Variants in TCEA1 observed in about 807,000 individuals in gnomAD.
TCEA1 encodes transcription elongation factor A1, also known as transcription elongation factor A protein 1.
TCEA1 carries 21 observed loss-of-function variants against 43.8 expected under a neutral mutation model. That is an observed-to-expected ratio of 0.48 (90% confidence interval 0.34 to 0.69). The LOEUF (loss-of-function observed/expected upper bound fraction) is 0.69, where lower values mean the gene tolerates loss of function less well. TCEA1 is among the 30% of genes least tolerant of loss of function. The pLI is 0.01. For missense variants in TCEA1, 250 were observed against 365.1 expected, an observed-to-expected ratio of 0.68 and a Z score of 2.57; for synonymous variants, 104 against 117.5, an observed-to-expected ratio of 0.88 and a Z score of 0.75.
chr8:53,973,994 G>A (rs1489675448), intron 8 of TCEA1: 5 of 165,628 alleles, frequency 3.0e-5, no homozygotes, highest in African/African-American at 7.2e-5. Flanking sequence ...GGCCAACATG[G>A]TGAAACCCTG....
intron 2 of TCEA1, among the ~76,000 whole-genome samples, chr8:54,006,082 T>A (rs1456885223): frequency 6.6e-6 from 1 of 152,202 alleles, no homozygotes; most frequent in Non-Finnish European, 1.5e-5. Flanking sequence ...TTCAGCTTTA[T>A]CACCTACATA....
chr8:53,967,760 A>C lies in TCEA1; in HGVS notation c.*344T>G. On this transcript the variant is annotated 3_prime_UTR_variant, in exon 10 of 10. Coordinates refer to ENST00000521604, the MANE Select transcript of TCEA1 (RefSeq NM_006756.4). The stretch of plus-strand genomic sequence containing the variant: ...TTATGTATTAATAACAGAGAGTAAC[A>C]GAATTTCTACTGTGTATGTTTCACA... 1 of 257,610 alleles carries C rather than the reference A, an allele frequency of 3.9e-6. No individual in the cohort carries two copies. Among genetic ancestry groups the C allele is most frequent in the East Asian group, 5.8e-5 (1 of 17,188 alleles). The allele number at this position is 257,610 out of a possible 1,614,324, so 16.0% of individuals were successfully genotyped here.
At chr8:53,978,551 G>A (rs565158798) in intron 8 of TCEA1, 3 of 153,714 alleles carry the variant, frequency 2.0e-5, no homozygotes, top group African/African-American at 7.2e-5. Context: ...ATCAGGGCTC[G>A]ATGAGGCAGG....
chr8:53,988,278 C>A lies in TCEA1; in HGVS notation c.321-19G>T. ...GGAAGTACTGAAATACGCACAAACA[C>A]CCCAAAAAGAAATCAAGAACAATCC... On this transcript the variant is annotated intron_variant, in intron 4 of 9. Coordinates refer to ENST00000521604, the MANE Select transcript of TCEA1 (RefSeq NM_006756.4). 6.2e-7 allele frequency: 1 copy of A among 1,604,394 alleles called. No individual in the cohort carries two copies. The highest frequency in any genetic ancestry group is 8.5e-7 in the Non-Finnish European group (1 of 1,174,254).
intron 1 of TCEA1, among the ~76,000 whole-genome samples, chr8:54,010,982 A>AT (rs1804634415): frequency 6.6e-6 from 1 of 152,012 alleles, no homozygotes; most frequent in Non-Finnish European, 1.5e-5. Context: ...CGCTGGGCTA[A>AT]TTTTTGTATT....
intron 2 of TCEA1, among the ~76,000 whole-genome samples, chr8:54,002,041 CG>C (rs1455874906): frequency 6.6e-6 from 1 of 151,458 alleles, no homozygotes; most frequent in East Asian, 1.9e-4. Flanking sequence ...TGGTGGCAAG[CG>C]CCTGTAGTCC....
intron 2 of TCEA1, among the ~76,000 whole-genome samples, chr8:54,004,274 C>T (rs1804368172): frequency 6.6e-6 from 1 of 152,132 alleles, no homozygotes; most frequent in Non-Finnish European, 1.5e-5. Context: ...CCAGCAATAC[C>T]ATTCCCAGGT....
intron 2 of TCEA1, among the ~76,000 whole-genome samples, chr8:54,008,417 C>T (rs570208151): frequency 6.6e-6 from 1 of 152,006 alleles, no homozygotes; most frequent in Non-Finnish European, 1.5e-5. Flanking sequence ...AATCCCAGCA[C>T]TTTGGGAGAC....
chr8:53,985,558 C>A (rs1803664830), intron 6 of TCEA1, among the ~76,000 whole-genome samples: 1 of 152,152 alleles, frequency 6.6e-6, no homozygotes, highest in Non-Finnish European at 1.5e-5. Flanking sequence ...TCCTCTCCTC[C>A]CCCAGCTCAG....
chr8:53,981,900 G>A (rs1002331517), intron 7 of TCEA1, among the ~76,000 whole-genome samples: 30 of 149,790 alleles, frequency 2.0e-4, no homozygotes, highest in Admixed American at 3.3e-4. Flanking sequence ...TTACAGGAAC[G>A]CACCACACCA....
chr8:54,000,141 G>T, intron 2 of TCEA1, 91 bp from the exon 3 acceptor site: 1 of 822,644 alleles, frequency 1.2e-6, no homozygotes. Context: ...CCAGATTCCT[G>T]TTTCTATTTT....
chr8:54,006,433 C>A (rs544009072), intron 2 of TCEA1, among the ~76,000 whole-genome samples: 1 of 151,922 alleles, frequency 6.6e-6, no homozygotes, highest in African/African-American at 2.4e-5. Flanking sequence ...GAGCCGAGAT[C>A]GTGCCATTGC....
At chr8:53,999,592 T>C in intron 3 of TCEA1, 1 of 229,684 alleles carries the variant, frequency 4.4e-6, no homozygotes, top group Non-Finnish European at 8.4e-6. Flanking sequence ...ATGATATGGA[T>C]AAAGGATACG....
intron 1 of TCEA1, among the ~76,000 whole-genome samples, chr8:54,015,849 TA>T (rs1804804880): frequency 6.6e-6 from 1 of 152,126 alleles, no homozygotes; most frequent in South Asian, 2.1e-4. Flanking sequence ...GACTCTTTTC[TA>T]AAAAATGGGC....
intron 1 of TCEA1, among the ~76,000 whole-genome samples, chr8:54,020,628 G>T (rs1804991858): frequency 6.6e-6 from 1 of 152,174 alleles, no homozygotes; most frequent in Non-Finnish European, 1.5e-5. Context: ...CTTAATTTAA[G>T]TAGTAGTACT....
intron 7 of TCEA1, among the ~76,000 whole-genome samples, chr8:53,981,620 A>G (rs1165354910): frequency 2.0e-5 from 3 of 152,236 alleles, no homozygotes; most frequent in Non-Finnish European, 4.4e-5. Context: ...CTACTCATTG[A>G]CAATGCACTT....
chr8:54,013,712 GACAA>G (rs1218841126), intron 1 of TCEA1, among the ~76,000 whole-genome samples: 14 of 130,588 alleles, frequency 1.1e-4, no homozygotes, highest in African/African-American at 3.9e-4. Flanking sequence ...ACAAAAAACA[GACAA>G]ACAAAAAGAA....
chr8:53,978,861 T>G (rs1803421196), intron 8 of TCEA1, among the ~76,000 whole-genome samples, 164 bp downstream of exon 8: 1 of 152,194 alleles, frequency 6.6e-6, no homozygotes, highest in South Asian at 2.1e-4. Flanking sequence ...TACATAGGGT[T>G]AGGTACTATC....
intron 1 of TCEA1, among the ~76,000 whole-genome samples, chr8:54,018,861 G>C (rs1250683449): frequency 3.3e-5 from 5 of 152,178 alleles, no homozygotes; most frequent in African/African-American, 1.2e-4. Context: ...ATCCATGCAT[G>C]GTTCAAGAGC....
Sources: allele counts gnomAD v4.1 joint callset (sites outside exome capture counted in the v4.1 genomes callset), GRCh38; gene constraint gnomAD v4.1.1; transcripts MANE v1.5; gene names NCBI Gene and HGNC (gene_info 2026-07-23, HGNC 2026-07-21).